Variants in FHAD1 observed in about 807,000 individuals in gnomAD.
The protein encoded by FHAD1 is forkhead associated phosphopeptide binding domain 1.
FHAD1 carries 146 observed loss-of-function variants against 191.3 expected under a neutral mutation model. The ratio of observed to expected loss-of-function variants is 0.76; its 90% CI spans 0.67 to 0.88. The LOEUF (loss-of-function observed/expected upper bound fraction) is 0.88. FHAD1 is among the 40% of genes least tolerant of loss of function. The pLI, the probability that FHAD1 is intolerant of heterozygous loss-of-function variation, is 0.00. For synonymous variants in FHAD1, 616 were observed against 672.3 expected (o/e 0.92, Z 1.29); for missense variants, 1,635 against 1,785.8 (o/e 0.92, Z 1.52).
At chr1:15,384,743 G>A (rs774765097) in intron 31 of FHAD1, among the ~76,000 whole-genome samples, 27 of 151,998 alleles carry the variant, frequency 1.8e-4, no homozygotes, top group Non-Finnish European at 3.8e-4. Flanking sequence ...AGATTTGATA[G>A]GAAGTAGAGC....
At chr1:15,338,158 A>G (rs1685050812) in intron 14 of FHAD1, among the ~76,000 whole-genome samples, 1 of 151,758 alleles carries the variant, frequency 6.6e-6, no homozygotes, top group East Asian at 1.9e-4. Context: ...TCCCGGTGTG[A>G]AACTGTGGCT....
chr1:15,251,237 G>A (rs1646731130), intron 1 of FHAD1, among the ~76,000 whole-genome samples: 3 of 150,588 alleles, frequency 2.0e-5, no homozygotes, highest in Admixed American at 1.3e-4. Context: ...ATTGCTCACT[G>A]CCCTGCAGCC....
chr1:15,353,088 C>A, intron 20 of FHAD1, 104 bp downstream of exon 20: 12 of 806,396 alleles, frequency 1.5e-5, no homozygotes, highest in Non-Finnish European at 2.2e-5. Context: ...CCATCCCTGG[C>A]TGGGGGACTT....
At position 15,327,045 on chromosome 1, in the gene FHAD1, CCT is replaced by C. The variant is rs1678988117; in HGVS notation, c.1474-9_1474-8del. 1 of 1,543,496 alleles carries C rather than the reference CCT, an allele frequency of 6.5e-7. No individual in the cohort carries two copies. Among genetic ancestry groups the C allele is most frequent in the Non-Finnish European group, 8.8e-7 (1 of 1,139,826 alleles). On this transcript the variant is annotated splice_polypyrimidine_tract_variant and intron_variant, in intron 11 of 33. Transcript: ENST00000688493. The surrounding 1 kb of genome is among the most constrained non-coding windows in gnomAD (Gnocchi z 5.1). ...TGCTGACCCCCTGACACTGTTGCCC[CCT>C]CTCTGCTGCAGCTGGAGCACTTCAG...
chr1:15,393,220 A>T (rs1363195352), intron 33 of FHAD1: 1 of 152,032 alleles, frequency 6.6e-6, no homozygotes, highest in Non-Finnish European at 1.5e-5. Context: ...GACTACAGGT[A>T]TGCACCACCA....
At chr1:15,375,002 G>A (rs2102898006) in intron 27 of FHAD1, among the ~76,000 whole-genome samples, 1 of 151,926 alleles carries the variant, frequency 6.6e-6, no homozygotes, top group South Asian at 2.1e-4. Context: ...AGGACTACAG[G>A]AACTAGCCAC....
intron 2 of FHAD1, among the ~76,000 whole-genome samples, chr1:15,255,419 T>C (rs1647534485): frequency 6.6e-6 from 1 of 152,224 alleles, no homozygotes; most frequent in African/African-American, 2.4e-5. Context: ...CAATCAATAT[T>C]GGTATTTGTA....
intron 3 of FHAD1, among the ~76,000 whole-genome samples, chr1:15,274,492 G>A (rs1465737556): frequency 2.0e-5 from 3 of 151,870 alleles, no homozygotes; most frequent in African/African-American, 7.3e-5. Flanking sequence ...GGCGCCTGTA[G>A]TCCCAGCTAC....
At chr1:15,393,506 C>T (rs777368308) in intron 33 of FHAD1, among the ~76,000 whole-genome samples, 2 of 151,866 alleles carry the variant, frequency 1.3e-5, no homozygotes, top group Non-Finnish European at 2.9e-5. Flanking sequence ...TAAGAATTCT[C>T]AGGGGGCGAG....
At chr1:15,341,581 C>T (rs552892734) in intron 15 of FHAD1, among the ~76,000 whole-genome samples, 155 bp from the exon 16 acceptor site, 1 of 152,360 alleles carries the variant, frequency 6.6e-6, no homozygotes, top group African/African-American at 2.4e-5. Context: ...AGTCTGAATT[C>T]TTAACCACAG....
intron 16 of FHAD1, among the ~76,000 whole-genome samples, chr1:15,342,122 C>T (rs1202923001): frequency 7.9e-5 from 12 of 152,168 alleles, no homozygotes; most frequent in African/African-American, 2.7e-4. Flanking sequence ...TTTCAGGAAA[C>T]GGTGCCTTGT....
chr1:15,238,431 T>C (rs7535105), intron 1 of FHAD1, among the ~76,000 whole-genome samples: 129,471 of 152,076 alleles, frequency 0.85, 55,508 homozygotes, highest in East Asian at 0.95. Context: ...GGAATCATGT[T>C]GGCTTGCTGT....
rs770990473 is a variant in FHAD1, at chr1:15,382,179, A to G, written c.4174A>G (p.Ile1392Val). Residue 1392 changes from isoleucine (I) to valine (V), a missense_variant, in exon 31 of 34, where the codon ATC (isoleucine) becomes GTC (valine). Transcript: ENST00000688493. ...LCQEKRINRAIRQQKESVEEH... is the reference protein window; with the variant it reads ...LCQEKRINRAVRQQKESVEEH... ...CCAGGAGAAGAGGATCAACAGGGCC[A>G]TCCGGCAGCAGAAGGTGAGGCGCTG... is the stretch of plus-strand genomic sequence containing the variant. 144 of 1,551,226 alleles carry G rather than the reference A, an allele frequency of 9.3e-5. No homozygotes were observed. Among genetic ancestry groups the G allele is most frequent in the Admixed American group, 1.2e-4 (6 of 50,980 alleles).
intron 25 of FHAD1, among the ~76,000 whole-genome samples, chr1:15,368,611 A>G (rs984345601): frequency 6.6e-6 from 1 of 152,196 alleles, no homozygotes; most frequent in Non-Finnish European, 1.5e-5. Flanking sequence ...TAGTGGCTAA[A>G]GGAGCAGACT....
chr1:15,383,049 A>G, intron 31 of FHAD1: 1 of 464,954 alleles, frequency 2.2e-6, no homozygotes, highest in Non-Finnish European at 4.4e-6. Flanking sequence ...TCTCATCTGT[A>G]GCATGGTACA....
At chr1:15,251,619 G>A (rs181883859) in intron 1 of FHAD1, among the ~76,000 whole-genome samples, 152 bp from the exon 2 acceptor site, 33 of 152,262 alleles carry the variant, frequency 2.2e-4, no homozygotes, top group African/African-American at 7.2e-4. Flanking sequence ...TGTCCTTGTC[G>A]TCATTGTTGA....
At chr1:15,301,151 C>T in intron 5 of FHAD1, 54 bp from the exon 6 acceptor site, 1 of 1,482,614 alleles carries the variant, frequency 6.7e-7, no homozygotes, top group South Asian at 1.2e-5. Flanking sequence ...TTAATGGGCT[C>T]AGCCTCACAC....
intron 5 of FHAD1, among the ~76,000 whole-genome samples, chr1:15,300,793 C>T (rs368061268): frequency 4.1e-4 from 62 of 152,246 alleles, no homozygotes; most frequent in African/African-American, 1.5e-3. Context: ...CTTTTCCCTG[C>T]CTGCCTGCCC....
chr1:15,305,806 G>A lies in FHAD1; in HGVS notation c.916-2807G>A, dbSNP rs566272730. The A allele has an allele frequency of 1.7e-4, 74 of 442,812 alleles. 2 individuals are homozygous for A. The highest frequency in any genetic ancestry group is 8.3e-4 in the Admixed American group (34 of 40,776). 27.4% of individuals were successfully genotyped at this position (442,812 alleles called of 1,614,324 possible). A position where few individuals can be genotyped will look rare whatever the true frequency, so the allele number is the denominator to read the frequency against. ...CCCACCATGATTCTGAGGCCTCCCC[G>A]GCCATGTGGAACTGTAAGTCCAATT... is the stretch of plus-strand genomic sequence containing the variant. On this transcript the variant is annotated intron_variant, in intron 6 of 33. Transcript: ENST00000688493.
Sources: gnomAD v4.1 joint callset for allele counts (sites outside exome capture counted in the v4.1 genomes callset) on GRCh38, gnomAD v4.1.1 for gene constraint, Gnocchi (gnomAD v3.1) non-coding constraint, MANE v1.5 for transcripts, NCBI Gene and HGNC (gene_info 2026-07-23, HGNC 2026-07-21) for gene names.